The following STAT3 variants were observed in gnomAD, a reference collection of about 807,000 sequenced individuals.
The protein encoded by STAT3 is DNA-binding protein APRF.
A neutral mutation model predicts 114.3 loss-of-function variants in STAT3; 7 were observed. That is an observed-to-expected ratio of 0.06 (90% confidence interval 0.03 to 0.11). STAT3 has a LOEUF of 0.11. STAT3 is among the 10% of genes least tolerant of loss of function. STAT3 has a pLI of 1.00. For synonymous variants in STAT3, 331 were observed against 354.5 expected, an observed-to-expected ratio of 0.93 and a Z score of 0.74; for missense variants, 364 against 960.9, an observed-to-expected ratio of 0.38 and a Z score of 8.21.
At position 42,315,632 on chromosome 17, in the gene STAT3, T is replaced by C; in HGVS notation, c.*113A>G. 1 of 1,148,186 alleles carries C rather than the reference T, an allele frequency of 8.7e-7. No homozygotes were observed. Among genetic ancestry groups the C allele is most frequent in the Non-Finnish European group, 1.3e-6 (1 of 762,854 alleles). The allele number at this position is 1,148,186 out of a possible 1,614,324, so 71.1% of individuals were successfully genotyped here. ...CAGAAGTAGGAGATTAAAAAAAATC[T>C]GGAACCACAAAGTTAGTAGTTTCAG... On this transcript the variant is annotated 3_prime_UTR_variant, in exon 24 of 24. Transcript: ENST00000264657.
Position 42,326,104 on chromosome 17 carries a change from T to A in STAT3, c.1365+12A>T. 4.3e-6 allele frequency: 7 copies of A among 1,613,802 alleles called. No individual in the cohort carries two copies. Among genetic ancestry groups the A allele is most frequent in the Non-Finnish European group, 5.9e-6 (7 of 1,179,712 alleles). Reference sequence around the variant, plus strand: ...GTACGTAGCCTCTCACCGATTCTGCTGCAGAACTTACCTCTAGGTCAATCT... The same window carrying A: ...GTACGTAGCCTCTCACCGATTCTGCAGCAGAACTTACCTCTAGGTCAATCT... On this transcript the variant is annotated intron_variant, in intron 15 of 23. Transcript: ENST00000264657.
intron 11 of STAT3, 68 bp from the exon 12 acceptor site, chr17:42,329,844 C>T (rs1598406805): frequency 1.3e-6 from 2 of 1,560,876 alleles, no homozygotes; most frequent in East Asian, 4.5e-5. Flanking sequence ...ACTTTGACCA[C>T]CTGTTATTTA....
At position 42,324,854 on chromosome 17, in the gene STAT3, A is replaced by G. The variant is rs766596302; in HGVS notation, c.1465-8T>C. ...GGTAAAAAAGTTTACATTCTATTGG[A>G]AAGAACACATTTGCTTGTTTAGATG... On this transcript the variant is annotated splice_region_variant and splice_polypyrimidine_tract_variant and intron_variant, in intron 16 of 23. Transcript: ENST00000264657. The surrounding 1 kb of genome is among the most constrained non-coding windows in gnomAD (Gnocchi z 4.5). 1.2e-6 allele frequency: 2 copies of G among 1,614,180 alleles called. No homozygotes were observed. Among genetic ancestry groups the G allele is most frequent in the Admixed American group, 3.3e-5 (2 of 60,016 alleles).
At chr17:42,360,707 C>A (rs2083468796) in intron 1 of STAT3, among the ~76,000 whole-genome samples, 1 of 151,480 alleles carries the variant, frequency 6.6e-6, no homozygotes. Flanking sequence ...TTGTAACTAG[C>A]CAATGTGATC....
intron 1 of STAT3, among the ~76,000 whole-genome samples, chr17:42,358,892 G>C (rs530559929): frequency 7.1e-6 from 1 of 141,584 alleles, no homozygotes; most frequent in Non-Finnish European, 1.5e-5. Context: ...TGCAGTTATT[G>C]TTCCTTTCCC....
intron 21 of STAT3, among the ~76,000 whole-genome samples, chr17:42,319,514 T>G (rs1350619231): frequency 8.2e-6 from 1 of 122,430 alleles, no homozygotes; most frequent in Non-Finnish European, 1.6e-5. Flanking sequence ...TGCACTCCAG[T>G]CTGGACGATA....
intron 1 of STAT3, among the ~76,000 whole-genome samples, chr17:42,381,931 A>G (rs924023430): frequency 7.9e-5 from 12 of 152,152 alleles, no homozygotes; most frequent in African/African-American, 2.9e-4. Flanking sequence ...ACTTATTTTA[A>G]TGACATTTAA....
intron 4 of STAT3, among the ~76,000 whole-genome samples, chr17:42,340,813 C>G (rs531335400): frequency 6.6e-6 from 1 of 152,128 alleles, no homozygotes; most frequent in African/African-American, 2.4e-5. Context: ...TTCAAAGAAC[C>G]CAGCACCTAA....
chr17:42,315,849 C>T (rs757232430), intron 23 of STAT3, 49 bp from the exon 24 acceptor site: 7 of 1,613,408 alleles, frequency 4.3e-6, no homozygotes, highest in Non-Finnish European at 5.1e-6. Flanking sequence ...CCCTCTGCAA[C>T]TGGCAGGCCA....
intron 4 of STAT3, among the ~76,000 whole-genome samples, chr17:42,340,506 C>CA (rs879846177): frequency 0.011 from 1,504 of 136,742 alleles, 26 homozygotes; most frequent in African/African-American, 0.036. Context: ...TCATCTCAAC[C>CA]AAAAAAAAAA....
chr17:42,341,247 T>A (rs542044638), intron 4 of STAT3, among the ~76,000 whole-genome samples: 1 of 152,358 alleles, frequency 6.6e-6, no homozygotes, highest in African/African-American at 2.4e-5. Flanking sequence ...TGCTTCCAGC[T>A]ATAAACATCT....
At chr17:42,339,077 C>T (rs2082333537) in intron 5 of STAT3, among the ~76,000 whole-genome samples, 1 of 151,820 alleles carries the variant, frequency 6.6e-6, no homozygotes, top group South Asian at 2.1e-4. Context: ...CACAGGGAGA[C>T]CCCCATCTCT....
chr17:42,330,277 T>G (rs945691979), intron 11 of STAT3, among the ~76,000 whole-genome samples: 8 of 148,890 alleles, frequency 5.4e-5, no homozygotes, highest in African/African-American at 2.0e-4. Context: ...CCAACACACC[T>G]GGCTAATTTT....
intron 1 of STAT3, among the ~76,000 whole-genome samples, chr17:42,385,304 T>G (rs1259208924): frequency 6.6e-6 from 1 of 151,592 alleles, no homozygotes; most frequent in Non-Finnish European, 1.5e-5. Flanking sequence ...AGGTCAGGAG[T>G]TTGAGACCAG....
chr17:42,382,699 T>C (rs547184062), intron 1 of STAT3, among the ~76,000 whole-genome samples: 4 of 151,474 alleles, frequency 2.6e-5, no homozygotes, highest in African/African-American at 9.7e-5. Flanking sequence ...CAGGCTGGAG[T>C]GCAGTGGCAC....
chr17:42,347,699 AT>A (rs1333940701), intron 2 of STAT3, among the ~76,000 whole-genome samples: 2 of 152,160 alleles, frequency 1.3e-5, no homozygotes, highest in Non-Finnish European at 2.9e-5. Context: ...GTTTAATACC[AT>A]CCCTGTTGAT....
rs2144978133 is a variant in STAT3 at position 42,345,572 on chromosome 17, G to A, written c.359C>T (p.Ala120Val). 6.2e-7 allele frequency: 1 copy of A among 1,605,380 alleles called. No homozygotes were observed. Among genetic ancestry groups the A allele is most frequent in the Non-Finnish European group, 8.5e-7 (1 of 1,175,224 alleles). ...CTCAGGTCTCACCTGGGCCGCAGTGGCTGCAGTCTGTAGAAGGCGTGATTC... is the reference window on the plus strand; with the variant it reads ...CTCAGGTCTCACCTGGGCCGCAGTGACTGCAGTCTGTAGAAGGCGTGATTC... ...WEESRLLQTA[A>V]TAAQQGGQAN... The change falls in exon 4 of 24, where the codon GCC (alanine) becomes GTC (valine). Residue 120 changes from alanine (A) to valine (V), a missense_variant. Ala to Val is a moderately conservative substitution (Grantham distance 64, BLOSUM62 0). This residue lies in a region of STAT3 where 294 missense variants were observed against 745.1 expected (regional missense o/e 0.39). Coordinates refer to ENST00000264657, the MANE Select transcript of STAT3 (RefSeq NM_139276.3).
In STAT3 at chr17:42,354,144, G is replaced by A. The variant is rs1567736744; in HGVS notation, c.-23-5605C>T. On this transcript the variant is annotated intron_variant, in intron 1 of 23. Coordinates refer to ENST00000264657, the MANE Select transcript of STAT3 (RefSeq NM_139276.3). ...TTATTTTTAGCTGGGGACAGAGGAG[G>A]GCTAGTAAGTAGTACAATAATTGTG... 3.3e-5 allele frequency among the ~76,000 whole-genome samples: 5 copies of A among 151,336 alleles called. No homozygotes were observed. The East Asian group carries it at 7.8e-4, about 24-fold the overall frequency.
chr17:42,378,357 TG>T, intron 1 of STAT3, among the ~76,000 whole-genome samples: 1 of 152,322 alleles, frequency 6.6e-6, no homozygotes, highest in South Asian at 2.1e-4. Context: ...GCGATTCTCT[TG>T]CTTTAGCCTC....
Sources: gnomAD v4.1 joint callset for allele counts (sites outside exome capture counted in the v4.1 genomes callset) on GRCh38, gnomAD v4.1.1 for gene constraint, gnomAD v4.1.1 regional missense constraint, Gnocchi (gnomAD v3.1) non-coding constraint, MANE v1.5 for transcripts, NCBI Gene and HGNC (gene_info 2026-07-23, HGNC 2026-07-21) for gene names.